The following SYNDIG1 variants were observed in gnomAD, a reference collection of about 807,000 sequenced individuals.
SYNDIG1 encodes the protein synapse differentiation-inducing gene protein 1.
In SYNDIG1, 9 loss-of-function variants were observed where a neutral mutation model predicts 19.4. The observed-to-expected ratio is 0.46, with a 90% CI of 0.28 to 0.81. SYNDIG1 has a LOEUF of 0.81. Among genes scored for constraint, SYNDIG1 ranks in the 30% least tolerant of loss-of-function variants. The pLI, the probability that SYNDIG1 is intolerant of heterozygous loss-of-function variation, is 0.12. For synonymous variants in SYNDIG1, 141 were observed against 145.9 expected (o/e 0.97, Z 0.24); for missense variants, 311 against 343.3 (o/e 0.91, Z 0.74).
chr20:24,506,423 C>G (rs1208987122), intron 1 of SYNDIG1, among the ~76,000 whole-genome samples: 2 of 152,202 alleles, frequency 1.3e-5, no homozygotes, highest in Admixed American at 6.5e-5. Flanking sequence ...CCCCAAGCGC[C>G]AAAGAGAGGG....
chr20:24,567,580 G>C (rs1049095600), intron 2 of SYNDIG1, among the ~76,000 whole-genome samples: 1 of 152,204 alleles, frequency 6.6e-6, no homozygotes, highest in Non-Finnish European at 1.5e-5. Flanking sequence ...ATGTGGAACA[G>C]AGCCTCCAGC....
chr20:24,509,195 CAT>C (rs137976452), intron 1 of SYNDIG1, among the ~76,000 whole-genome samples: 3,688 of 152,242 alleles, frequency 0.024, 122 homozygotes, highest in African/African-American at 0.084. Flanking sequence ...AGTGTACACA[CAT>C]GTGTGTATGT....
intron 3 of SYNDIG1, among the ~76,000 whole-genome samples, chr20:24,602,204 C>T (rs2058689586): frequency 6.6e-6 from 1 of 152,170 alleles, no homozygotes; most frequent in Admixed American, 6.5e-5. Context: ...TCCTTGTTCT[C>T]ACTCATGGTA....
chr20:24,585,056 G>GCCGCCC, intron 3 of SYNDIG1, 63 bp downstream of exon 3: 2 of 545,660 alleles, frequency 3.7e-6, no homozygotes, highest in Non-Finnish European at 6.9e-6. Context: ...GGTGGGGGCG[G>GCCGCCC]CAATCCCAGC....
intron 3 of SYNDIG1, among the ~76,000 whole-genome samples, chr20:24,655,298 C>T (rs2059513711): frequency 6.6e-6 from 1 of 152,130 alleles, no homozygotes; most frequent in South Asian, 2.1e-4. Context: ...AGAAAAGAGG[C>T]ATAAACCAGT....
At chr20:24,530,451 G>A (rs1202306150) in intron 1 of SYNDIG1, among the ~76,000 whole-genome samples, 5 of 152,160 alleles carry the variant, frequency 3.3e-5, no homozygotes, top group Non-Finnish European at 5.9e-5. Flanking sequence ...GGTCCCAAAT[G>A]TTTCATTAAC....
At chr20:24,614,954 C>G (rs1372457108) in intron 3 of SYNDIG1, among the ~76,000 whole-genome samples, 5 of 152,152 alleles carry the variant, frequency 3.3e-5, no homozygotes, top group African/African-American at 4.8e-5. Flanking sequence ...TTTAAAGCAG[C>G]GTTATTGCTT....
intron 1 of SYNDIG1, among the ~76,000 whole-genome samples, chr20:24,472,677 A>T (rs1033112763): frequency 2.0e-5 from 3 of 152,154 alleles, no homozygotes; most frequent in African/African-American, 7.2e-5. Flanking sequence ...GAGATGTGAT[A>T]TTCACTGTGA....
intron 1 of SYNDIG1, among the ~76,000 whole-genome samples, chr20:24,478,110 A>C (rs535253465): frequency 2.2e-4 from 34 of 152,344 alleles, no homozygotes; most frequent in African/African-American, 7.7e-4. Flanking sequence ...GGTCTGGATG[A>C]AATAGAGGTG....
At chr20:24,501,860 G>A (rs570969938) in intron 1 of SYNDIG1, among the ~76,000 whole-genome samples, 1 of 152,314 alleles carries the variant, frequency 6.6e-6, no homozygotes, top group African/African-American at 2.4e-5. Context: ...TACCCACTGG[G>A]CACTCACCTC....
chr20:24,628,406 T>G (rs1339681418), intron 3 of SYNDIG1, among the ~76,000 whole-genome samples: 1 of 152,182 alleles, frequency 6.6e-6, no homozygotes. Flanking sequence ...CATCCTCTGA[T>G]ATATTTATTG....
intron 1 of SYNDIG1, among the ~76,000 whole-genome samples, chr20:24,488,372 C>T (rs2056030746): frequency 6.6e-6 from 1 of 152,244 alleles, no homozygotes; most frequent in African/African-American, 2.4e-5. Flanking sequence ...GTGCTTCGCC[C>T]AGTGCCTTGT....
intron 1 of SYNDIG1, among the ~76,000 whole-genome samples, chr20:24,491,897 A>C (rs988213429): frequency 6.6e-6 from 1 of 152,232 alleles, no homozygotes; most frequent in African/African-American, 2.4e-5. Context: ...GTTTCCTTCA[A>C]TGCAAGTACT....
At position 24,549,909 on chromosome 20, in the gene SYNDIG1, A is replaced by G. The variant is rs1006770722; in HGVS notation, c.480+6332A>G. On this transcript the variant is annotated intron_variant, in intron 2 of 3. Transcript: ENST00000376862. ...ACTCCTCTCTGACCATCCCCAACCA[A>G]ACTCCTCTCGGCATTCAGATGTTCC... 4.2e-4 allele frequency among the ~76,000 whole-genome samples: 64 copies of G among 152,036 alleles called. 4 individuals carry two copies.
chr20:24,637,560 A>C (rs530244675), intron 3 of SYNDIG1, among the ~76,000 whole-genome samples: 3 of 152,344 alleles, frequency 2.0e-5, no homozygotes, highest in African/African-American at 7.2e-5. Context: ...GACTTCTGCC[A>C]CAGAGAAGAC....
chr20:24,512,190 C>T (rs1002428520), intron 1 of SYNDIG1, among the ~76,000 whole-genome samples: 16 of 142,502 alleles, frequency 1.1e-4, no homozygotes, highest in Non-Finnish European at 1.4e-4. Flanking sequence ...GGAACAGCTC[C>T]AGTCAACAGC....
At chr20:24,585,056 G>GGCCCCCCC in intron 3 of SYNDIG1, 63 bp downstream of exon 3, 1 of 545,656 alleles carries the variant, frequency 1.8e-6, no homozygotes, top group Non-Finnish European at 3.4e-6. Flanking sequence ...GGTGGGGGCG[G>GGCCCCCCC]CAATCCCAGC....
intron 1 of SYNDIG1, among the ~76,000 whole-genome samples, chr20:24,477,047 A>G (rs779507729): frequency 1.3e-5 from 2 of 152,240 alleles, no homozygotes; most frequent in South Asian, 2.1e-4. Context: ...CATGAAATGT[A>G]TCTGTTGACT....
intron 2 of SYNDIG1, among the ~76,000 whole-genome samples, chr20:24,576,143 G>A (rs2058224342): frequency 6.6e-6 from 1 of 152,234 alleles, no homozygotes; most frequent in Admixed American, 6.5e-5. Flanking sequence ...ACTGATGGCA[G>A]AGGGCATGTT....
Sources: allele counts gnomAD v4.1 joint callset (sites outside exome capture counted in the v4.1 genomes callset), GRCh38; gene constraint gnomAD v4.1.1; transcripts MANE v1.5; gene names NCBI Gene and HGNC (gene_info 2026-07-23, HGNC 2026-07-21).